Variants in TMEFF2 observed in about 807,000 individuals in gnomAD.
The protein encoded by TMEFF2 is transmembrane protein with EGF like and two follistatin like domains 2, also known as tomoregulin-2.
In TMEFF2, 28 loss-of-function variants were observed where a neutral mutation model predicts 53.8. The ratio of observed to expected loss-of-function variants is 0.52; its 90% CI spans 0.39 to 0.71. The LOEUF (loss-of-function observed/expected upper bound fraction) is 0.71. TMEFF2 is among the 30% of genes least tolerant of loss of function. The pLI is 0.00. For synonymous variants in TMEFF2, 162 were observed against 166.3 expected, an observed-to-expected ratio of 0.97 and a Z score of 0.20; for missense variants, 353 against 455.2, an observed-to-expected ratio of 0.78 and a Z score of 2.04.
chr2:191,995,759 A>C (rs1686207858), intron 7 of TMEFF2, among the ~76,000 whole-genome samples: 1 of 152,002 alleles, frequency 6.6e-6, no homozygotes, highest in Non-Finnish European at 1.5e-5. Context: ...ATTTCTTGAG[A>C]ATCTTGACGT....
At chr2:192,082,825 A>C (rs997516764) in intron 4 of TMEFF2, among the ~76,000 whole-genome samples, 1 of 152,132 alleles carries the variant, frequency 6.6e-6, no homozygotes, top group African/African-American at 2.4e-5. Context: ...ATTTTCAACC[A>C]TAAAATATGT....
At chr2:192,110,348 G>A (rs1420557588) in intron 4 of TMEFF2, among the ~76,000 whole-genome samples, 1 of 152,016 alleles carries the variant, frequency 6.6e-6, no homozygotes, top group Non-Finnish European at 1.5e-5. Flanking sequence ...GTTGAGTGGT[G>A]ATTAGGAAGT....
intron 7 of TMEFF2, among the ~76,000 whole-genome samples, chr2:191,967,651 T>C (rs1692507721): frequency 6.6e-6 from 1 of 152,100 alleles, no homozygotes; most frequent in African/African-American, 2.4e-5. Context: ...TTTTCTTACC[T>C]CTCGCAGGCT....
At chr2:191,986,556 C>CT (rs11451195) in intron 7 of TMEFF2, among the ~76,000 whole-genome samples, 137,013 of 143,012 alleles carry the variant, frequency 0.96, 65,792 homozygotes, top group East Asian at 0.99. Flanking sequence ...GGACAACTAT[C>CT]TTTTTTTTTT....
rs1326276039 is a variant in TMEFF2, at chr2:192,167,946, A to G, written c.439+11722T>C. On this transcript the variant is annotated intron_variant, in intron 4 of 9. Transcript: ENST00000272771. The stretch of plus-strand genomic sequence containing the variant: ...CACTTCCCTGACAGTTCATTCATTC[A>G]TCCCTTAATTTAACAAGTATTTAAC... Among the ~76,000 whole-genome samples the G allele has an allele frequency of 4.6e-5, 7 of 152,234 alleles. No individual in the cohort carries two copies. The East Asian group carries it at 1.4e-3, about 29-fold the overall frequency.
chr2:192,032,371 A>AT (rs1326447417), intron 5 of TMEFF2: 1 of 152,216 alleles, frequency 6.6e-6, no homozygotes, highest in African/African-American at 2.4e-5. Context: ...CGTTTTCAAC[A>AT]TTTTACTCAT....
intron 5 of TMEFF2, chr2:192,037,235 GCTAGAAGTGCAGAATGCACTT>G (rs1687317778): frequency 6.9e-6 from 1 of 144,588 alleles, no homozygotes; most frequent in Non-Finnish European, 1.5e-5. Flanking sequence ...GTGGGATGTT[GCTAGAAGTGCAGAATGCACTT>G]CTAAGACTAG....
intron 4 of TMEFF2, among the ~76,000 whole-genome samples, chr2:192,164,721 C>T (rs1462890067): frequency 3.9e-4 from 36 of 91,460 alleles, no homozygotes; most frequent in Admixed American, 1.3e-3. Flanking sequence ...AGCGAGACTT[C>T]GTCTCAAAAA....
chr2:192,051,620 A>C (rs976897381), intron 5 of TMEFF2, among the ~76,000 whole-genome samples: 8 of 152,334 alleles, frequency 5.3e-5, no homozygotes, highest in Non-Finnish European at 8.8e-5. Flanking sequence ...CCTAATGTCT[A>C]ATTTACTTAT....
intron 2 of TMEFF2, among the ~76,000 whole-genome samples, chr2:192,191,238 G>T (rs955467779): frequency 1.3e-5 from 2 of 152,128 alleles, no homozygotes; most frequent in East Asian, 1.9e-4. Flanking sequence ...TTAGTTAAAA[G>T]AAATTAACAC....
At chr2:192,127,499 C>T (rs1454643123) in intron 4 of TMEFF2, among the ~76,000 whole-genome samples, 1 of 152,118 alleles carries the variant, frequency 6.6e-6, no homozygotes, top group African/African-American at 2.4e-5. Flanking sequence ...TTCAACAAAT[C>T]AACAATGTAG....
intron 4 of TMEFF2, among the ~76,000 whole-genome samples, chr2:192,171,409 G>T (rs920870884): frequency 1.3e-5 from 2 of 151,550 alleles, no homozygotes; most frequent in African/African-American, 4.9e-5. Context: ...CTTCAGCAAG[G>T]CATGTTCTCA....
At chr2:192,037,232 G>A (rs1469244323) in intron 5 of TMEFF2, 2 of 142,934 alleles carry the variant, frequency 1.4e-5, no homozygotes, top group African/African-American at 5.2e-5. Context: ...CCAGTGGGAT[G>A]TTGCTAGAAG....
Position 192,127,226 on chromosome 2 carries a change from G to A in TMEFF2, c.439+52442C>T, listed in dbSNP as rs962644709. On this transcript the variant is annotated intron_variant, in intron 4 of 9. Coordinates refer to ENST00000272771, the MANE Select transcript of TMEFF2 (RefSeq NM_016192.4). ...TTCAATGATTCTCTGTCAGCAAGAA[G>A]GAAAAACTGACTTGACCTATTGTTC... 3.3e-5 allele frequency among the ~76,000 whole-genome samples: 5 copies of A among 152,218 alleles called. No homozygotes were observed. The South Asian group carries it at 6.2e-4, about 19-fold the overall frequency.
intron 5 of TMEFF2, among the ~76,000 whole-genome samples, chr2:192,021,489 T>G (rs1333055352): frequency 6.6e-6 from 1 of 152,180 alleles, no homozygotes; most frequent in Non-Finnish European, 1.5e-5. Flanking sequence ...TCCTAGGTAC[T>G]GATTTTGTGG....
intron 4 of TMEFF2, among the ~76,000 whole-genome samples, chr2:192,152,964 A>T (rs1690423076): frequency 6.6e-6 from 1 of 151,842 alleles, no homozygotes; most frequent in Non-Finnish European, 1.5e-5. Flanking sequence ...CAACCTTAAA[A>T]CTGAGACTTT....
intron 4 of TMEFF2, among the ~76,000 whole-genome samples, chr2:192,143,279 GC>G (rs1690178892): frequency 6.6e-6 from 1 of 151,960 alleles, no homozygotes. Flanking sequence ...GCAGAACTGG[GC>G]ATTTGAAAGC....
At chr2:192,135,559 G>A (rs1381415615) in intron 4 of TMEFF2, among the ~76,000 whole-genome samples, 7 of 151,812 alleles carry the variant, frequency 4.6e-5, no homozygotes, top group Admixed American at 4.6e-4. Context: ...CCCTAATCCC[G>A]CTTGAAGCAG....
chr2:192,080,563 A>G (rs1688528636), intron 4 of TMEFF2, among the ~76,000 whole-genome samples: 3 of 152,218 alleles, frequency 2.0e-5, no homozygotes, highest in Admixed American at 2.0e-4. Flanking sequence ...TTGGACTAAT[A>G]GAGACACGTT....
Sources: gnomAD v4.1 joint callset for allele counts (sites outside exome capture counted in the v4.1 genomes callset) on GRCh38, gnomAD v4.1.1 for gene constraint, MANE v1.5 for transcripts, NCBI Gene and HGNC (gene_info 2026-07-23, HGNC 2026-07-21) for gene names.